The following DPP6 variants were observed in gnomAD, a reference collection of about 807,000 sequenced individuals.
DPP6 encodes the protein A-type potassium channel modulatory protein DPP6.
A neutral mutation model predicts 122.6 loss-of-function variants in DPP6; 69 were observed. That is an observed-to-expected ratio of 0.56 (90% CI 0.46 to 0.69). The LOEUF is 0.69. DPP6 is among the 30% of genes least tolerant of loss of function. The probability of loss-of-function intolerance (pLI) is 0.00; values close to 1 mark genes in which losing one functional copy is unlikely to be tolerated. For missense variants in DPP6, 928 were observed against 1,116.9 expected, an observed-to-expected ratio of 0.83 and a Z score of 2.41; for synonymous variants, 418 against 433.1, an observed-to-expected ratio of 0.97 and a Z score of 0.43.
chr7:154,202,026 G>T (rs1275292934), intron 1 of DPP6, among the ~76,000 whole-genome samples: 1 of 152,196 alleles, frequency 6.6e-6, no homozygotes, highest in Non-Finnish European at 1.5e-5. Context: ...ACCCACTACA[G>T]TTAGTAGTAC....
intron 8 of DPP6, among the ~76,000 whole-genome samples, chr7:154,738,184 G>A (rs1586989026): frequency 6.6e-6 from 1 of 152,218 alleles, no homozygotes; most frequent in Admixed American, 6.5e-5. Context: ...AAAGGCGGGG[G>A]TATTTTTTGA....
At chr7:154,212,839 G>T (rs1799811134) in intron 1 of DPP6, among the ~76,000 whole-genome samples, 1 of 152,178 alleles carries the variant, frequency 6.6e-6, no homozygotes, top group Admixed American at 6.5e-5. Flanking sequence ...ATGCTGAGGA[G>T]CACACAGGTG....
In DPP6 at chr7:154,063,117, G is replaced by T. The variant is rs113251342; in HGVS notation, c.243+10054G>T. On this transcript the variant is annotated intron_variant, in intron 1 of 25. Transcript: ENST00000377770. ...CTGGCTGTTAGTACCCCCATCGCAGGGGGGGAGGCACCCCCCACGAGAGTG... is the reference window on the plus strand; with the variant it reads ...CTGGCTGTTAGTACCCCCATCGCAGTGGGGGAGGCACCCCCCACGAGAGTG... Among the ~76,000 whole-genome samples the T allele has an allele frequency of 1.8e-4, 20 of 112,244 alleles. 1 individual carries two copies. Among genetic ancestry groups the T allele is most frequent in the African/African-American group, 5.2e-4 (16 of 30,930 alleles). The allele number at this position is 112,244 out of a possible 152,430, so 73.6% of individuals were successfully genotyped here.
At chr7:154,564,366 A>G (rs918315781) in intron 4 of DPP6, among the ~76,000 whole-genome samples, 20 of 152,216 alleles carry the variant, frequency 1.3e-4, no homozygotes, top group African/African-American at 4.6e-4. Flanking sequence ...GATCAAATGT[A>G]TCCATAAGCA....
At chr7:154,535,386 ATT>A (rs34372202) in intron 3 of DPP6, among the ~76,000 whole-genome samples, 22,195 of 149,940 alleles carry the variant, frequency 0.15, 2,129 homozygotes, top group African/African-American at 0.28. Flanking sequence ...TTCACTTTAG[ATT>A]TTTTTTTTTT....
intron 1 of DPP6, among the ~76,000 whole-genome samples, chr7:154,163,658 A>G (rs995332805): frequency 6.6e-6 from 1 of 152,168 alleles, no homozygotes; most frequent in Non-Finnish European, 1.5e-5. Context: ...ATGCTTCCTT[A>G]TACAGCAAAT....
chr7:154,596,669 A>G lies in DPP6; in HGVS notation c.627+29753A>G, dbSNP rs76089242. 5.2e-3 allele frequency among the ~76,000 whole-genome samples: 799 copies of G among 152,322 alleles called. 2 individuals are homozygous for G. Among genetic ancestry groups the G allele is most frequent in the African/African-American group, 0.017 (727 of 41,572 alleles). The stretch of plus-strand genomic sequence containing the variant: ...TCGGGTATCTGGAGATGGGAATGGA[A>G]TTACCAGAGGAGAGGAGCATTGAAG... On this transcript the variant is annotated intron_variant, in intron 5 of 25. Transcript: ENST00000377770.
intron 1 of DPP6, among the ~76,000 whole-genome samples, chr7:154,277,803 G>A (rs1302612453): frequency 6.6e-6 from 1 of 152,166 alleles, no homozygotes; most frequent in Non-Finnish European, 1.5e-5. Flanking sequence ...GAGGAAAGTA[G>A]TCTTCTCTCT....
chr7:154,670,377 C>T (rs1838482161), intron 7 of DPP6, among the ~76,000 whole-genome samples: 1 of 152,226 alleles, frequency 6.6e-6, no homozygotes, highest in Admixed American at 6.5e-5. Context: ...AAGATGAGGG[C>T]TCCCACCCTG....
intron 7 of DPP6, among the ~76,000 whole-genome samples, chr7:154,674,820 A>G (rs1838788211): frequency 6.6e-6 from 1 of 152,096 alleles, no homozygotes; most frequent in Admixed American, 6.5e-5. Context: ...TGCAATTACA[A>G]ACACCATGGA....
chr7:154,181,749 C>CTTTTTT (rs57576340), intron 1 of DPP6, among the ~76,000 whole-genome samples: 4 of 134,912 alleles, frequency 3.0e-5, no homozygotes, highest in Non-Finnish European at 3.2e-5. Flanking sequence ...GCATCTCCCT[C>CTTTTTT]TTTTTTTTTT....
chr7:154,078,946 CAAAAAAAAAAAAAA>C (rs67950621), intron 1 of DPP6, among the ~76,000 whole-genome samples: 6 of 112,608 alleles, frequency 5.3e-5, no homozygotes, highest in African/African-American at 1.7e-4. Flanking sequence ...CATTCTTTTC[CAAAAAAAAAAAAAA>C]AAAAAAAAAA....
intron 7 of DPP6, among the ~76,000 whole-genome samples, chr7:154,698,432 C>T (rs1840338460): frequency 1.3e-5 from 2 of 152,146 alleles, no homozygotes; most frequent in Admixed American, 1.3e-4. Context: ...GAATTGTCGT[C>T]CGTATGCCTC....
intron 5 of DPP6, among the ~76,000 whole-genome samples, chr7:154,575,605 GT>G (rs1831600037): frequency 2.6e-5 from 3 of 117,118 alleles, no homozygotes; most frequent in Admixed American, 9.4e-5. Context: ...TGTGTGTGGT[GT>G]GTGTATGTGT....
At chr7:154,614,225 G>T (rs539506503) in intron 5 of DPP6, among the ~76,000 whole-genome samples, 15 of 152,298 alleles carry the variant, frequency 9.8e-5, no homozygotes, top group African/African-American at 3.6e-4. Context: ...CATAGGGTTA[G>T]CTTGCGTTAG....
intron 1 of DPP6, among the ~76,000 whole-genome samples, chr7:153,905,722 A>T (rs1563221223): frequency 6.6e-6 from 1 of 152,198 alleles, no homozygotes. Context: ...GGAATAGAAG[A>T]TACTTCACTG....
the DPP6 span, among the ~76,000 whole-genome samples, chr7:153,871,748 C>G: frequency 6.6e-6 from 1 of 152,206 alleles, no homozygotes; most frequent in Non-Finnish European, 1.5e-5. Context: ...GTCGCTCACG[C>G]TGGGAGCTAT....
chr7:154,595,371 C>T (rs1250087679), intron 5 of DPP6, among the ~76,000 whole-genome samples: 1 of 152,188 alleles, frequency 6.6e-6, no homozygotes, highest in Non-Finnish European at 1.5e-5. Flanking sequence ...TGCCTTGCTG[C>T]CTTCTACTCT....
chr7:154,837,299 GCACACATGCACACAAACACATGCA>G (rs1373349843), intron 16 of DPP6, among the ~76,000 whole-genome samples: 1 of 149,758 alleles, frequency 6.7e-6, no homozygotes, highest in Non-Finnish European at 1.5e-5. Context: ...TCACATGCAT[GCACACATGCACACAAACACATGCA>G]CACACATGCA....
Sources: gnomAD v4.1 joint callset for allele counts (sites outside exome capture counted in the v4.1 genomes callset) on GRCh38, gnomAD v4.1.1 for gene constraint, MANE v1.5 for transcripts, NCBI Gene and HGNC (gene_info 2026-07-23, HGNC 2026-07-21) for gene names.